The following PI4KA variants were observed in gnomAD, a reference collection of about 807,000 sequenced individuals.
PI4KA encodes phosphatidylinositol 4-kinase alpha, also known as PI4-kinase alpha.
In PI4KA, 122 loss-of-function variants were observed where a neutral mutation model predicts 271.4. That is an observed-to-expected ratio of 0.45 (90% CI 0.39 to 0.52). The LOEUF (loss-of-function observed/expected upper bound fraction) is 0.52, where lower values mean the gene tolerates loss of function less well. Ranked by LOEUF, PI4KA falls within the 20% of genes least tolerant of loss-of-function variation. PI4KA has a pLI of 0.00. For synonymous variants in PI4KA, 1,041 were observed against 1,078.8 expected (o/e 0.96, Z 0.69); for missense variants, 1,969 against 2,769.1 (o/e 0.71, Z 6.48).
intron 6 of PI4KA, among the ~76,000 whole-genome samples, chr22:20,819,426 T>C (rs998574782): frequency 6.6e-6 from 1 of 152,054 alleles, no homozygotes; most frequent in African/African-American, 2.4e-5. Flanking sequence ...ACCTCATTGT[T>C]TTATATTTTT....
intron 1 of PI4KA, among the ~76,000 whole-genome samples, chr22:20,851,540 G>C (rs1189775791): frequency 1.3e-5 from 2 of 152,110 alleles, no homozygotes; most frequent in Admixed American, 1.3e-4. Context: ...GTTGCACCAT[G>C]TTGGCCAGGC....
intron 12 of PI4KA, among the ~76,000 whole-genome samples, chr22:20,803,843 C>T (rs1935487463): frequency 6.6e-6 from 1 of 152,172 alleles, no homozygotes; most frequent in South Asian, 2.1e-4. Context: ...TTAAAGTGTG[C>T]TCATCTCTTT....
At chr22:20,717,104 G>A (rs1490497669) in intron 45 of PI4KA, among the ~76,000 whole-genome samples, 1 of 152,086 alleles carries the variant, frequency 6.6e-6, no homozygotes, top group Non-Finnish European at 1.5e-5. Flanking sequence ...AAATTAGCCG[G>A]GTGTGGTGGC....
chr22:20,855,807 T>C (rs1927521767), intron 1 of PI4KA, among the ~76,000 whole-genome samples: 3 of 152,214 alleles, frequency 2.0e-5, no homozygotes, highest in Non-Finnish European at 2.9e-5. Context: ...GTATTCAACA[T>C]AAATCATAGT....
chr22:20,792,792 G>A (rs1338467691), intron 19 of PI4KA, among the ~76,000 whole-genome samples: 1 of 152,160 alleles, frequency 6.6e-6, no homozygotes, highest in Non-Finnish European at 1.5e-5. Context: ...CCTGAGCGCC[G>A]ACAAGAGGCT....
chr22:20,721,284 G>A lies in PI4KA; in HGVS notation c.5116+14C>T. 6.2e-7 allele frequency: 1 copy of A among 1,613,630 alleles called. No homozygotes were observed. Among genetic ancestry groups the A allele is most frequent in the East Asian group, 2.2e-5 (1 of 44,888 alleles). ...AGACAGTAAGTGAGGCCTGTGGGAGGACAAAATACTCACGGTCTTTCTGGT... is the reference window on the plus strand; with the variant it reads ...AGACAGTAAGTGAGGCCTGTGGGAGAACAAAATACTCACGGTCTTTCTGGT... On this transcript the variant is annotated intron_variant, in intron 43 of 54. Coordinates refer to ENST00000255882, the MANE Select transcript of PI4KA (RefSeq NM_058004.4).
chr22:20,722,611 T>C (rs1926871357), intron 42 of PI4KA, among the ~76,000 whole-genome samples: 1 of 152,242 alleles, frequency 6.6e-6, no homozygotes, highest in Non-Finnish European at 1.5e-5. Flanking sequence ...CTCCAGTTTT[T>C]CTTTTTAATT....
At position 20,739,469 on chromosome 22, in the gene PI4KA, GA is replaced by G. The variant is rs5844434; in HGVS notation, c.3741+2758del. Among the ~76,000 whole-genome samples, 77 of 130,542 alleles carry G rather than the reference GA, an allele frequency of 5.9e-4. 1 individual carries two copies. The highest frequency in any genetic ancestry group is 1.5e-3 in the South Asian group (6 of 4,112). 85.6% of individuals were successfully genotyped at this position (130,542 alleles called of 152,430 possible). On this transcript the variant is annotated intron_variant, in intron 32 of 54. Transcript: ENST00000255882. The stretch of plus-strand genomic sequence containing the variant: ...GGCAACATAGCAAGACTGTCTTCAG[GA>G]AAAAAAAAAAAACAAAAGAAAAAAA...
At chr22:20,727,917 C>A in intron 39 of PI4KA, 53 bp from the exon 40 acceptor site, 1 of 1,368,940 alleles carries the variant, frequency 7.3e-7, no homozygotes, top group Non-Finnish European at 1.0e-6. Context: ...AACCTGCACT[C>A]TCCCACCACA....
intron 4 of PI4KA, among the ~76,000 whole-genome samples, chr22:20,822,726 AT>A (rs1169593751): frequency 6.6e-6 from 1 of 152,200 alleles, no homozygotes; most frequent in Non-Finnish European, 1.5e-5. Flanking sequence ...TGTCCAAAGC[AT>A]TTATGAAGAT....
In PI4KA at chr22:20,786,021, T is replaced by C. The variant is rs775919584; in HGVS notation, c.2328+7172A>G. The C allele has an allele frequency of 4.3e-6, 7 of 1,614,086 alleles. No individual in the cohort carries two copies. Among genetic ancestry groups the C allele is most frequent in the East Asian group, 4.5e-5 (2 of 44,902 alleles). ...CTGTCTAGAACTCGAGAAGTGCTTC[T>C]GCCGAAATTCAAGCTGGAGAAGAAC... On this transcript the variant is annotated intron_variant, in intron 19 of 54. Coordinates refer to ENST00000255882, the MANE Select transcript of PI4KA (RefSeq NM_058004.4).
At chr22:20,744,497 T>C (rs1335732073) in intron 30 of PI4KA, 131 bp downstream of exon 30, 11 of 632,916 alleles carry the variant, frequency 1.7e-5, no homozygotes, top group East Asian at 2.7e-5. Flanking sequence ...ATGTGCTCTT[T>C]AAATCCTCCT....
chr22:20,742,155 C>A, intron 32 of PI4KA, 73 bp downstream of exon 32: 2 of 1,500,252 alleles, frequency 1.3e-6, no homozygotes, highest in East Asian at 2.3e-5. Flanking sequence ...TTGGTGGTGG[C>A]GGCACCAGGG....
chr22:20,757,038 C>A (rs1313532239), intron 23 of PI4KA, among the ~76,000 whole-genome samples: 1 of 152,224 alleles, frequency 6.6e-6, no homozygotes, highest in African/African-American at 2.4e-5. Flanking sequence ...AGGTGAGCAG[C>A]AGGCTCCTGC....
At position 20,729,274 on chromosome 22, in the gene PI4KA, G is replaced by A. The variant is rs1167131005; in HGVS notation, c.4682+39C>T. ...GGCAAGCACCCTGCGCTGGACCTCT[G>A]GTGAGGCCTGTGTCAGGCTGTGGTG... On this transcript the variant is annotated intron_variant, in intron 39 of 54. Transcript: ENST00000255882. The A allele has an allele frequency of 3.2e-6, 5 of 1,581,708 alleles. No individual in the cohort carries two copies. In the South Asian group the frequency reaches 5.8e-5, roughly 18 times the overall value.
At chr22:20,739,007 C>T (rs987066266) in intron 32 of PI4KA, among the ~76,000 whole-genome samples, 3 of 140,598 alleles carry the variant, frequency 2.1e-5, no homozygotes, top group Non-Finnish European at 4.6e-5. Context: ...TCGAGACCAT[C>T]CTGGCTAACA....
Position 20,721,224 on chromosome 22 carries a change from C to G in PI4KA, c.5116+74G>C, listed in dbSNP as rs140755845. 3.9e-4 allele frequency: 595 copies of G among 1,544,402 alleles called. 8 individuals are homozygous for G. The East Asian group carries it at 0.013, about 34-fold the overall frequency. On this transcript the variant is annotated intron_variant, in intron 43 of 54. Transcript: ENST00000255882. ...GGGGCAGTGCAGGCTGGCGAGAGCC[C>G]TGGGGGCTGTAGAAGGTGCTTGGCA...
chr22:20,765,232 G>C lies in PI4KA; in HGVS notation c.2442C>G (p.Leu814=). Residue 814 remains leucine (L), a synonymous_variant, in exon 21 of 55, where the codon CTC becomes CTG. Transcript: ENST00000255882. The part of the protein sequence containing the change: ...LMGFAVEGSG[L]WPEEWYEGVC... Reference sequence around the variant, plus strand: ...CCCCCTCGTACCATTCTTCTGGCCAGAGTCCTGCAATAAAGTGAACATAAA... The same window carrying C: ...CCCCCTCGTACCATTCTTCTGGCCACAGTCCTGCAATAAAGTGAACATAAA... 2 of 1,608,282 alleles carry C rather than the reference G, an allele frequency of 1.2e-6. No individual in the cohort carries two copies. The highest frequency in any genetic ancestry group is 1.7e-6 in the Non-Finnish European group (2 of 1,176,994).
At chr22:20,827,725 T>C (rs1923603911) in intron 3 of PI4KA, among the ~76,000 whole-genome samples, 1 of 152,176 alleles carries the variant, frequency 6.6e-6, no homozygotes, top group Admixed American at 6.5e-5. Context: ...TCTGATTTCT[T>C]TCAGCAGTAT....
Sources: gnomAD v4.1 joint callset for allele counts (sites outside exome capture counted in the v4.1 genomes callset) on GRCh38, gnomAD v4.1.1 for gene constraint, MANE v1.5 for transcripts, NCBI Gene and HGNC (gene_info 2026-07-23, HGNC 2026-07-21) for gene names.